SMCO1: variants seen among roughly 807,000 people sequenced by gnomAD.
SMCO1 encodes the protein single-pass membrane protein with coiled-coil domains 1, also known as single-pass membrane and coiled-coil domain-containing protein 1.
In SMCO1, 9 loss-of-function variants were observed where a neutral mutation model predicts 7.5. The ratio of observed to expected loss-of-function variants is 1.20; its 90% CI spans 0.72 to 2.09. The LOEUF is 2.09. Among genes scored for constraint, SMCO1 ranks in the 30% most tolerant of loss-of-function variants. SMCO1 has a pLI of 0.00. For missense variants in SMCO1, 219 were observed against 253.1 expected (o/e 0.87, Z 0.91); for synonymous variants, 90 against 93.8 (o/e 0.96, Z 0.23).
At chr3:196,510,784 C>T (rs766789899) in intron 1 of SMCO1, among the ~76,000 whole-genome samples, 4 of 152,152 alleles carry the variant, frequency 2.6e-5, no homozygotes, top group Non-Finnish European at 5.9e-5. Context: ...AACTAAACTA[C>T]GTTCTTGGAG....
At chr3:196,516,167 G>A (rs575415197), upstream of SMCO1, among the ~76,000 whole-genome samples, 118 of 148,752 alleles carry the variant, frequency 7.9e-4, no homozygotes, top group Middle Eastern at 7.0e-3. Flanking sequence ...AAATAGGACT[G>A]CTGTTTTCAT....
chr3:196,520,328 A>G (rs1296275302), upstream of SMCO1, among the ~76,000 whole-genome samples: 1 of 152,196 alleles, frequency 6.6e-6, no homozygotes, highest in Non-Finnish European at 1.5e-5. Flanking sequence ...CAATGGACTC[A>G]GTTCTTTTAG....
At chr3:196,509,135 C>T (rs1170032013) in intron 2 of SMCO1, among the ~76,000 whole-genome samples, 2 of 145,310 alleles carry the variant, frequency 1.4e-5, no homozygotes, top group East Asian at 2.1e-4. Context: ...CTGCAAGCTC[C>T]GCCTCCCGGG....
the SMCO1 span, among the ~76,000 whole-genome samples, chr3:196,520,717 C>T: frequency 3.9e-5 from 6 of 152,156 alleles, no homozygotes; most frequent in African/African-American, 1.4e-4. Context: ...ACTCTCACCG[C>T]TGCTGAAAAG....
intron 1 of SMCO1, 67 bp from the exon 2 acceptor site, chr3:196,509,736 G>C: frequency 1.4e-6 from 2 of 1,380,408 alleles, no homozygotes; most frequent in Non-Finnish European, 2.0e-6. Flanking sequence ...GATTTAAGCT[G>C]AGGCTCTAAT....
upstream of SMCO1, among the ~76,000 whole-genome samples, chr3:196,518,438 G>A (rs997514383): frequency 4.6e-5 from 7 of 152,180 alleles, no homozygotes; most frequent in South Asian, 8.3e-4. Context: ...AAGGACCCTG[G>A]ATGTTTCCCC....
chr3:196,509,091 C>A (rs928495631), intron 2 of SMCO1, among the ~76,000 whole-genome samples: 1 of 151,118 alleles, frequency 6.6e-6, no homozygotes, highest in Non-Finnish European at 1.5e-5. Context: ...GCTTTGTCAC[C>A]CAGGCTGGAG....
intron 2 of SMCO1, among the ~76,000 whole-genome samples, chr3:196,509,286 G>A (rs1046738079): frequency 6.8e-6 from 1 of 147,110 alleles, no homozygotes; most frequent in Non-Finnish European, 1.5e-5. Flanking sequence ...GGGTGGTCTC[G>A]ATCTCCTGAC....
At chr3:196,517,620 C>T (rs562980403), upstream of SMCO1, among the ~76,000 whole-genome samples, 3 of 151,198 alleles carry the variant, frequency 2.0e-5, no homozygotes, top group South Asian at 4.2e-4. Flanking sequence ...AACAGCACCC[C>T]CCTGTGCCTT....
upstream of SMCO1, among the ~76,000 whole-genome samples, chr3:196,518,878 A>G (rs1435111209): frequency 2.6e-5 from 4 of 152,190 alleles, no homozygotes; most frequent in African/African-American, 4.8e-5. Flanking sequence ...GACCCCCCCA[A>G]TACCCATGGG....
At chr3:196,519,089 T>C (rs1733445372), upstream of SMCO1, among the ~76,000 whole-genome samples, 1 of 152,250 alleles carries the variant, frequency 6.6e-6, no homozygotes, top group Admixed American at 6.5e-5. Flanking sequence ...GCTAGCCTGT[T>C]GCAAAATTTC....
At chr3:196,517,087 A>G (rs978304361), upstream of SMCO1, among the ~76,000 whole-genome samples, 5 of 131,330 alleles carry the variant, frequency 3.8e-5, no homozygotes, top group Non-Finnish European at 7.9e-5. Context: ...CCTGGGTGAC[A>G]CAGCGAGACT....
rs1733064163 is a variant in SMCO1 at position 196,507,066 on chromosome 3, T to A, written c.*821A>T. 1 of 152,134 alleles carries A rather than the reference T, an allele frequency of 6.6e-6. No homozygotes were observed. The highest frequency in any genetic ancestry group is 1.5e-5 in the Non-Finnish European group (1 of 68,038). The allele number at this position is 152,134 out of a possible 1,614,324, so 9.4% of individuals were successfully genotyped here. A position where few individuals can be genotyped will look rare whatever the true frequency, so the allele number is the denominator to read the frequency against. ...CCATTCAGAAATAGGCACGATAGTGTAGAGGACCAATCGCGGAAGGGTAGG... is the reference window on the plus strand; with the variant it reads ...CCATTCAGAAATAGGCACGATAGTGAAGAGGACCAATCGCGGAAGGGTAGG... On this transcript the variant is annotated 3_prime_UTR_variant, in exon 3 of 3. Transcript: ENST00000397537.
intron 1 of SMCO1, among the ~76,000 whole-genome samples, chr3:196,514,795 G>C (rs2108664102): frequency 6.6e-6 from 1 of 152,318 alleles, no homozygotes; most frequent in East Asian, 1.9e-4. Context: ...AGGCTGGAGT[G>C]CAGTGGCACG....
chr3:196,513,430 A>G (rs146698104), intron 1 of SMCO1, among the ~76,000 whole-genome samples: 2 of 152,098 alleles, frequency 1.3e-5, no homozygotes, highest in Non-Finnish European at 2.9e-5. Flanking sequence ...AGAGATCGAG[A>G]CCATCCTGGC....
intron 1 of SMCO1, among the ~76,000 whole-genome samples, chr3:196,512,432 T>C (rs1733269692): frequency 6.6e-6 from 1 of 152,160 alleles, no homozygotes; most frequent in Admixed American, 6.6e-5. Context: ...CTTTTATTCT[T>C]GGTCCTAAAT....
chr3:196,517,245 C>CT (rs1011357723), upstream of SMCO1, among the ~76,000 whole-genome samples: 3 of 149,770 alleles, frequency 2.0e-5, no homozygotes, highest in African/African-American at 7.3e-5. Flanking sequence ...ATAGGAGTGT[C>CT]TTTTTTTATT....
chr3:196,520,284 C>T (rs1733469523), upstream of SMCO1, among the ~76,000 whole-genome samples: 1 of 152,198 alleles, frequency 6.6e-6, no homozygotes, highest in African/African-American at 2.4e-5. Context: ...TTTCTCTGCC[C>T]TGTGAGACAA....
upstream of SMCO1, among the ~76,000 whole-genome samples, chr3:196,515,874 C>T (rs1362106871): frequency 6.7e-6 from 1 of 150,208 alleles, no homozygotes; most frequent in Non-Finnish European, 1.5e-5. Context: ...TGGTGCATGC[C>T]TGTAGTCCCA....
Sources: gnomAD v4.1 joint callset for allele counts (sites outside exome capture counted in the v4.1 genomes callset) on GRCh38, gnomAD v4.1.1 for gene constraint, MANE v1.5 for transcripts, NCBI Gene and HGNC (gene_info 2026-07-23, HGNC 2026-07-21) for gene names.